DNAH6: variants seen among roughly 807,000 people sequenced by gnomAD.
DNAH6 encodes the protein dynein axonemal heavy chain 6.
Under a neutral mutation model 491.4 loss-of-function variants are expected in DNAH6, and 340 were observed. The ratio of observed to expected loss-of-function variants is 0.69; its 90% CI spans 0.63 to 0.76. The LOEUF (loss-of-function observed/expected upper bound fraction) is 0.76, where lower values mean the gene tolerates loss of function less well. DNAH6 is among the 30% of genes least tolerant of loss of function. DNAH6 has a pLI of 0.00. For missense variants in DNAH6, 4,443 were observed against 4,972.2 expected (o/e 0.89, Z 3.20); for synonymous variants, 1,603 against 1,686.1 (o/e 0.95, Z 1.21).
chr2:84,569,704 A>C (rs1457384284), intron 11 of DNAH6, among the ~76,000 whole-genome samples: 1 of 152,170 alleles, frequency 6.6e-6, no homozygotes, highest in Non-Finnish European at 1.5e-5. Context: ...TGTTTTTTGC[A>C]GTGGTATTAG....
the DNAH6 span, among the ~76,000 whole-genome samples, chr2:84,505,626 G>C: frequency 2.6e-5 from 4 of 152,200 alleles, no homozygotes; most frequent in African/African-American, 7.2e-5. Context: ...AGTTACATAT[G>C]TATACATGTG....
intron 20 of DNAH6, among the ~76,000 whole-genome samples, chr2:84,605,901 T>G (rs566934582): frequency 1.3e-5 from 2 of 151,986 alleles, no homozygotes; most frequent in Admixed American, 6.6e-5. Context: ...AGACCAGTCA[T>G]AACAAGCTGG....
At chr2:84,727,466 T>G (rs1217432206) in intron 60 of DNAH6, among the ~76,000 whole-genome samples, 1 of 152,158 alleles carries the variant, frequency 6.6e-6, no homozygotes, top group East Asian at 1.9e-4. Flanking sequence ...GAATGCAAGA[T>G]TGTTCATAAT....
At chr2:84,634,408 C>A in intron 29 of DNAH6, 96 bp from the exon 30 acceptor site, 3 of 1,269,032 alleles carry the variant, frequency 2.4e-6, no homozygotes, top group Non-Finnish European at 2.0e-6. Flanking sequence ...TTTGCAGATA[C>A]CACCTCTTTT....
chr2:84,731,049 G>A (rs1202516859), intron 61 of DNAH6, among the ~76,000 whole-genome samples: 1 of 152,152 alleles, frequency 6.6e-6, no homozygotes, highest in Non-Finnish European at 1.5e-5. Context: ...TCTGGAAATG[G>A]TCCCAGGCAC....
chr2:84,733,597 A>G lies in DNAH6; in HGVS notation c.10342+18A>G. 6.5e-7 allele frequency: 1 copy of G among 1,549,252 alleles called. No homozygotes were observed. Among genetic ancestry groups the G allele is most frequent in the South Asian group, 1.2e-5 (1 of 83,600 alleles). The stretch of plus-strand genomic sequence containing the variant: ...ACGCTTAGGTAATGTGACAAAAAGA[A>G]CCTGCTGAGGAGGCTTATAAACAGG... On this transcript the variant is annotated intron_variant, in intron 62 of 76. Transcript: ENST00000389394.
In DNAH6 at chr2:84,681,452, G is replaced by T. The variant is rs1314137217; in HGVS notation, c.6840G>T (p.Met2280Ile). 3.2e-6 allele frequency: 5 copies of T among 1,551,304 alleles called. No homozygotes were observed. Among genetic ancestry groups the T allele is most frequent in the South Asian group, 1.2e-5 (1 of 83,928 alleles). ...VEASVEIYNK[M>I]SVDLLPTPAK... ...CCTCAGTTGAGATTTATAACAAAAT[G>T]AGTGTTGACCTCCTGCCAACACCCG... The change falls in exon 42 of 77, where the codon ATG (methionine) becomes ATT (isoleucine). Residue 2280 changes from methionine to isoleucine, a missense_variant. Physicochemically the swap from Met to Ile is conservative, Grantham distance 10 (BLOSUM62 1). Around this residue, in one of 3 missense-constraint regions of DNAH6, gnomAD observed 2,977 missense variants for 3,296.6 expected, o/e 0.90. Coordinates refer to ENST00000389394, the MANE Select transcript of DNAH6 (RefSeq NM_001370.2).
the DNAH6 span, among the ~76,000 whole-genome samples, chr2:84,483,071 C>T: frequency 3.9e-5 from 6 of 152,042 alleles, no homozygotes; most frequent in East Asian, 1.2e-3. Context: ...AGTGATCCTC[C>T]CACATCAGCC....
chr2:84,563,651 G>C (rs1680888551), intron 11 of DNAH6, among the ~76,000 whole-genome samples: 1 of 152,040 alleles, frequency 6.6e-6, no homozygotes, highest in Non-Finnish European at 1.5e-5. Context: ...TGTAGGTTGT[G>C]TGTTTATTGA....
chr2:84,789,813 C>G (rs1049527802), intron 68 of DNAH6, among the ~76,000 whole-genome samples: 3 of 152,138 alleles, frequency 2.0e-5, no homozygotes, highest in African/African-American at 7.2e-5. Flanking sequence ...TATGGGAAAT[C>G]ATTAGGTATT....
At chr2:84,789,091 G>C (rs1439953143) in intron 68 of DNAH6, among the ~76,000 whole-genome samples, 1 of 152,180 alleles carries the variant, frequency 6.6e-6, no homozygotes, top group Non-Finnish European at 1.5e-5. Flanking sequence ...AAAGTTTATA[G>C]GGACAGTGCC....
At chr2:84,768,346 TTAAA>T (rs1022918142) in intron 64 of DNAH6, among the ~76,000 whole-genome samples, 42 of 151,986 alleles carry the variant, frequency 2.8e-4, no homozygotes, top group African/African-American at 9.4e-4. Flanking sequence ...CTGAAACTGA[TTAAA>T]TAGAGAGAGT....
intron 68 of DNAH6, among the ~76,000 whole-genome samples, chr2:84,794,227 G>T (rs1179710934): frequency 6.6e-6 from 1 of 152,218 alleles, no homozygotes; most frequent in Admixed American, 6.5e-5. Context: ...AAAAACGCTA[G>T]AAGAAAACCT....
At chr2:84,715,694 A>T (rs1697459256) in intron 58 of DNAH6, 67 bp downstream of exon 58, 12 of 1,425,134 alleles carry the variant, frequency 8.4e-6, no homozygotes, top group Non-Finnish European at 1.2e-5. Flanking sequence ...TTTGTTTAGA[A>T]ATATTGACAA....
At chr2:84,552,891 A>G in intron 9 of DNAH6, 27 bp from the exon 10 acceptor site, 2 of 1,384,744 alleles carry the variant, frequency 1.4e-6, no homozygotes, top group Non-Finnish European at 2.0e-6. Flanking sequence ...TTGTGTCTTT[A>G]TAACACTGTA....
At chr2:84,771,357 A>T (rs1267929806) in intron 64 of DNAH6, among the ~76,000 whole-genome samples, 2 of 152,078 alleles carry the variant, frequency 1.3e-5, no homozygotes, top group African/African-American at 4.8e-5. Flanking sequence ...CCATACCAAC[A>T]TACACTAATG....
At chr2:84,781,381 A>C in intron 64 of DNAH6, 112 bp from the exon 65 acceptor site, 1 of 890,352 alleles carries the variant, frequency 1.1e-6, no homozygotes, top group Non-Finnish European at 1.6e-6. Flanking sequence ...TGGAATGAGG[A>C]TTCAAAATGT....
At chr2:84,563,691 A>C (rs1680891573) in intron 11 of DNAH6, among the ~76,000 whole-genome samples, 1 of 152,202 alleles carries the variant, frequency 6.6e-6, no homozygotes, top group South Asian at 2.1e-4. Flanking sequence ...GGTGCTCTTT[A>C]GTTTAATTTG....
chr2:84,761,898 G>T (rs888612477), intron 63 of DNAH6, among the ~76,000 whole-genome samples: 4 of 152,128 alleles, frequency 2.6e-5, no homozygotes, highest in Non-Finnish European at 4.4e-5. Context: ...TAACAGTTAT[G>T]CAGGATGTCC....
Sources: allele counts gnomAD v4.1 joint callset (sites outside exome capture counted in the v4.1 genomes callset), GRCh38; gene constraint gnomAD v4.1.1; regional missense constraint gnomAD v4.1.1; transcripts MANE v1.5; gene names NCBI Gene and HGNC (gene_info 2026-07-23, HGNC 2026-07-21).